ASS1: variants seen among roughly 807,000 people sequenced by gnomAD.
ASS1 encodes argininosuccinate synthase.
ASS1 carries 58 observed loss-of-function variants against 60.5 expected under a neutral mutation model. The ratio of observed to expected loss-of-function variants is 0.96; its 90% CI spans 0.78 to 1.19. The LOEUF (loss-of-function observed/expected upper bound fraction) is 1.19, where lower values mean the gene tolerates loss of function less well. ASS1 is among the 50% of genes most tolerant of loss of function. ASS1 has a pLI of 0.00. For synonymous variants in ASS1, 200 were observed against 206.9 expected, an observed-to-expected ratio of 0.97 and a Z score of 0.29; for missense variants, 454 against 547.3, an observed-to-expected ratio of 0.83 and a Z score of 1.70.
intron 2 of ASS1, 84 bp from the exon 3 acceptor site, chr9:130,454,221 G>T: frequency 7.4e-7 from 1 of 1,360,186 alleles, no homozygotes. Flanking sequence ...CTGTAGCAGG[G>T]GGTGGGAGGC....
rs1168866419 is a variant in ASS1, at chr9:130,494,531, C to CCTTTACCA, written c.971-333_971-326dup. ...CCTCCATTGGGCCAGGGATGGGGTC[C>CCTTTACCA]CTTTACCACTGTGTCCCCAGTTGCT... On this transcript the variant is annotated intron_variant, in intron 12 of 14. Transcript: ENST00000352480. This position sits in a 1 kb window ranked among gnomAD's most constrained non-coding sequence, Gnocchi z 4.3. Among the ~76,000 whole-genome samples, 1 of 152,228 alleles carries CCTTTACCA rather than the reference C, an allele frequency of 6.6e-6. No individual in the cohort carries two copies. The highest frequency in any genetic ancestry group is 1.9e-4 in the East Asian group (1 of 5,198).
At chr9:130,471,642 C>A in intron 8 of ASS1, 127 bp downstream of exon 8, 1 of 1,169,058 alleles carries the variant, frequency 8.6e-7, no homozygotes. Context: ...GGGCTGGGGC[C>A]GAGCCCTGCC....
chr9:130,467,436 C>A (rs558327024), intron 6 of ASS1, among the ~76,000 whole-genome samples: 16 of 152,246 alleles, frequency 1.1e-4, no homozygotes, highest in Admixed American at 8.5e-4. Context: ...ATCAATCAGG[C>A]CGGGGAAAAG....
At chr9:130,461,752 A>T (rs1473773838) in intron 4 of ASS1, among the ~76,000 whole-genome samples, 2 of 152,166 alleles carry the variant, frequency 1.3e-5, no homozygotes, top group Non-Finnish European at 2.9e-5. Context: ...AAGGCCTTGG[A>T]GGTGCTGGTC....
rs1187014902 is a variant in ASS1, at chr9:130,480,455, T to G, written c.838+6T>G. 6.2e-6 allele frequency: 10 copies of G among 1,613,678 alleles called. No homozygotes were observed. The Admixed American group carries it at 1.5e-4, about 24-fold the overall frequency. ...CATTGGAATGAAGTCCCGAGGTGAG[T>G]CTGCTCAGCCTCCCTCAGGGCCTGC... On this transcript the variant is annotated splice_donor_region_variant and intron_variant, in intron 11 of 14. Transcript: ENST00000352480.
chr9:130,448,048 A>G (rs1243204127), intron 1 of ASS1, among the ~76,000 whole-genome samples: 1 of 151,644 alleles, frequency 6.6e-6, no homozygotes. Context: ...CTGTGCCTGG[A>G]GTGAGCGCTC....
Position 130,479,667 on chromosome 9 carries a change from C to T in ASS1, c.689-49C>T, listed in dbSNP as rs769743377. 17 of 1,493,850 alleles carry T rather than the reference C, an allele frequency of 1.1e-5. No homozygotes were observed. The African/African-American group carries it at 1.7e-4, about 15-fold the overall frequency. 92.5% of individuals were successfully genotyped at this position (1,493,850 alleles called of 1,614,324 possible). On this transcript the variant is annotated intron_variant, in intron 9 of 14. Coordinates refer to ENST00000352480, the MANE Select transcript of ASS1 (RefSeq NM_054012.4). ...AGGGTGGGGTGGCGGGTGCAGACTC[C>T]TCCGCTGAGCCGGGCCCAGAGGCCC...
intron 11 of ASS1, among the ~76,000 whole-genome samples, chr9:130,485,855 C>T (rs144384111): frequency 4.8e-4 from 73 of 152,270 alleles, no homozygotes; most frequent in African/African-American, 1.7e-3. Flanking sequence ...CGAACTTTAT[C>T]GTTATATCTG....
chr9:130,479,752 C>T lies in ASS1; in HGVS notation c.725C>T (p.Thr242Ile). 2.5e-6 allele frequency: 4 copies of T among 1,614,208 alleles called. No individual in the cohort carries two copies. The highest frequency in any genetic ancestry group is 2.2e-5 in the East Asian group (1 of 44,888). Reference protein sequence around the residue: ...PVKVTNVKDGTTHQTSLELFM... With the variant: ...PVKVTNVKDGITHQTSLELFM... ...AAGGTGACCAACGTCAAGGATGGCA[C>T]CACCCACCAGACCTCCTTGGAGCTC... The change falls in exon 10 of 15, where the codon ACC becomes ATC. Residue 242 changes from threonine (T) to isoleucine (I), a missense_variant. Transcript: ENST00000352480.
At chr9:130,487,232 G>A (rs567965927) in intron 11 of ASS1, among the ~76,000 whole-genome samples, 1 of 152,290 alleles carries the variant, frequency 6.6e-6, no homozygotes, top group South Asian at 2.1e-4. Context: ...CACGGTACCG[G>A]ATTGATCCTA....
chr9:130,461,493 C>T (rs1206656309), intron 4 of ASS1, among the ~76,000 whole-genome samples: 1 of 152,200 alleles, frequency 6.6e-6, no homozygotes, highest in Admixed American at 6.5e-5. Flanking sequence ...GCTATGGCCG[C>T]TCGGGACTTG....
chr9:130,477,789 C>T lies in ASS1; in HGVS notation c.688+828C>T, dbSNP rs555405420. ...TGCTGGGCACAGGGGCACCCAAGGA[C>T]CAGGCGGGGGGCTGGCCCATTCGTC... is the stretch of plus-strand genomic sequence containing the variant. On this transcript the variant is annotated intron_variant, in intron 9 of 14. Transcript: ENST00000352480. This position sits in a 1 kb window ranked among gnomAD's most constrained non-coding sequence, Gnocchi z 4.2. Among the ~76,000 whole-genome samples the T allele has an allele frequency of 6.6e-6, 1 of 152,308 alleles. No individual in the cohort carries two copies. The highest frequency in any genetic ancestry group is 6.5e-5 in the Admixed American group (1 of 15,292).
Position 130,466,574 on chromosome 9 carries a change from G to T in ASS1, c.421-151G>T, listed in dbSNP as rs551310557. 4.5e-5 allele frequency: 33 copies of T among 736,940 alleles called. No homozygotes were observed. The Admixed American group carries it at 5.9e-4, about 13-fold the overall frequency. 45.7% of individuals were successfully genotyped at this position (736,940 alleles called of 1,614,324 possible). ...CTGTGTCCTTCCCCTCCTTCATGGG[G>T]CTCCCTCTCACCCTCACAACAGCAT... is the stretch of plus-strand genomic sequence containing the variant. On this transcript the variant is annotated intron_variant, in intron 5 of 14. Coordinates refer to ENST00000352480, the MANE Select transcript of ASS1 (RefSeq NM_054012.4).
At chr9:130,499,661 ATGC>A in intron 14 of ASS1, 91 bp downstream of exon 14, 2 of 1,355,520 alleles carry the variant, frequency 1.5e-6, no homozygotes, top group Non-Finnish European at 2.1e-6. Flanking sequence ...GTAGGCTTTG[ATGC>A]GACCTTGACT....
At chr9:130,462,275 C>T (rs932001501) in intron 4 of ASS1, among the ~76,000 whole-genome samples, 4 of 152,236 alleles carry the variant, frequency 2.6e-5, no homozygotes, top group African/African-American at 9.6e-5. Flanking sequence ...CCAGGCCCCC[C>T]AGTCCCAGTG....
At chr9:130,468,104 G>A (rs1471494570) in intron 6 of ASS1, among the ~76,000 whole-genome samples, 1 of 152,184 alleles carries the variant, frequency 6.6e-6, no homozygotes, top group Non-Finnish European at 1.5e-5. Context: ...AATGACTGTG[G>A]GGAATCTGAG....
intron 4 of ASS1, among the ~76,000 whole-genome samples, chr9:130,461,286 C>A (rs1412862095): frequency 1.3e-5 from 2 of 152,206 alleles, no homozygotes. Flanking sequence ...CCGGACCAGC[C>A]CACATTTAGC....
intron 8 of ASS1, among the ~76,000 whole-genome samples, chr9:130,473,727 G>T (rs1845931568): frequency 6.6e-6 from 1 of 152,176 alleles, no homozygotes; most frequent in East Asian, 1.9e-4. Flanking sequence ...GGAAGGGAGG[G>T]CTTGAAGGCA....
At chr9:130,482,996 C>T (rs772027621) in intron 11 of ASS1, among the ~76,000 whole-genome samples, 1 of 152,200 alleles carries the variant, frequency 6.6e-6, no homozygotes, top group East Asian at 1.9e-4. Flanking sequence ...ATGAGGAGGT[C>T]GTATCATCTC....
Sources: allele counts gnomAD v4.1 joint callset (sites outside exome capture counted in the v4.1 genomes callset), GRCh38; gene constraint gnomAD v4.1.1; non-coding constraint Gnocchi (gnomAD v3.1); transcripts MANE v1.5; gene names NCBI Gene and HGNC (gene_info 2026-07-23, HGNC 2026-07-21).